The following DNAH1 variants were observed in gnomAD, a reference collection of about 807,000 sequenced individuals.
DNAH1 encodes dynein axonemal heavy chain 1.
A neutral mutation model predicts 484.3 loss-of-function variants in DNAH1; 327 were observed. The observed-to-expected ratio is 0.68, with a 90% confidence interval of 0.62 to 0.74. The LOEUF (loss-of-function observed/expected upper bound fraction) is 0.74. Ranked by LOEUF, DNAH1 falls within the 30% of genes least tolerant of loss-of-function variation. DNAH1 has a pLI of 0.00. For synonymous variants in DNAH1, 2,192 were observed against 2,191.9 expected (o/e 1.00, Z 0.00); for missense variants, 5,052 against 5,546.8 (o/e 0.91, Z 2.83).
rs1324800614 is a variant in DNAH1, at chr3:52,400,387, C to A, written c.12739C>A (p.Gln4247Lys). 2.5e-6 allele frequency: 4 copies of A among 1,613,938 alleles called. No homozygotes were observed. The highest frequency in any genetic ancestry group is 3.4e-6 in the Non-Finnish European group (4 of 1,179,902). ...YVIAVEIPTH[Q>K]PQRHWIKRGV... Reference sequence around the variant, plus strand: ...CATTGCTGTGGAGATCCCCACCCATCAGCCCCAGCGACACTGGATAAAGCG... The same window carrying A: ...CATTGCTGTGGAGATCCCCACCCATAAGCCCCAGCGACACTGGATAAAGCG... Residue 4247 changes from glutamine to lysine, a missense_variant, in exon 78 of 78, where the codon CAG (glutamine) becomes AAG (lysine). Transcript: ENST00000420323.
In DNAH1 at chr3:52,358,507, G is replaced by A. The variant is rs1559525544; in HGVS notation, c.4087-51G>A. On this transcript the variant is annotated intron_variant, in intron 24 of 77. Coordinates refer to ENST00000420323, the MANE Select transcript of DNAH1 (RefSeq NM_015512.5). The surrounding 1 kb of genome is among the most constrained non-coding windows in gnomAD (Gnocchi z 4.2). ...TAGCGCTGGGGCTGTGGTGGCCAGG[G>A]CATCTGGGCACACCAGGGTGACCCC... The A allele has an allele frequency of 6.5e-7, 1 of 1,539,672 alleles. No homozygotes were observed. Among genetic ancestry groups the A allele is most frequent in the Non-Finnish European group, 8.8e-7 (1 of 1,141,642 alleles).
chr3:52,315,422 G>T (rs112373487), upstream of DNAH1, among the ~76,000 whole-genome samples: 3 of 152,360 alleles, frequency 2.0e-5, no homozygotes, highest in African/African-American at 7.2e-5. Flanking sequence ...ATCTCAGCCA[G>T]CAAGGAGACA....
At chr3:52,357,395 G>A (rs1193806910) in intron 22 of DNAH1, among the ~76,000 whole-genome samples, 1 of 152,192 alleles carries the variant, frequency 6.6e-6, no homozygotes, top group African/African-American at 2.4e-5. Flanking sequence ...CTGCAGCAAA[G>A]CAAACTCTTT....
At chr3:52,384,225 A>G (rs564830812) in intron 52 of DNAH1, among the ~76,000 whole-genome samples, 194 bp downstream of exon 52, 3 of 152,360 alleles carry the variant, frequency 2.0e-5, no homozygotes, top group African/African-American at 7.2e-5. Flanking sequence ...CACAGTGACT[A>G]GGGTGCTGCG....
In DNAH1 at chr3:52,375,290, C is replaced by G; in HGVS notation, c.7036C>G (p.Pro2346Ala). 1 of 1,611,946 alleles carries G rather than the reference C, an allele frequency of 6.2e-7. No individual in the cohort carries two copies. Among genetic ancestry groups the G allele is most frequent in the Non-Finnish European group, 8.5e-7 (1 of 1,179,104 alleles). The change falls in exon 45 of 78, where the codon CCG (proline) becomes GCG (alanine). Residue 2346 changes from proline (P) to alanine (A), a missense_variant. Around this residue, in one of 4 missense-constraint regions of DNAH1, gnomAD observed 2,929 missense variants for 3,409.4 expected, o/e 0.86. Coordinates refer to ENST00000420323, the MANE Select transcript of DNAH1 (RefSeq NM_015512.5). ...DINFVCAMGP[P>A]GGGRNTVTPR... Reference sequence around the variant, plus strand: ...CAACTTTGTCTGTGCCATGGGCCCCCCGGGTGGAGGCAGGAACACCGTCAC... The same window carrying G: ...CAACTTTGTCTGTGCCATGGGCCCCGCGGGTGGAGGCAGGAACACCGTCAC...
chr3:52,343,696 T>C (rs1454167670), intron 8 of DNAH1, among the ~76,000 whole-genome samples: 1 of 152,010 alleles, frequency 6.6e-6, no homozygotes, highest in Non-Finnish European at 1.5e-5. Context: ...AAAGGGACTA[T>C]TCAGATGTGG....
At chr3:52,367,419 G>A (rs1293481884) in intron 36 of DNAH1, among the ~76,000 whole-genome samples, 1 of 152,104 alleles carries the variant, frequency 6.6e-6, no homozygotes, top group African/African-American at 2.4e-5. Flanking sequence ...GGGAGGGACA[G>A]TCGCCCACCT....
In DNAH1 at chr3:52,358,408, C is replaced by A; in HGVS notation, c.4087-150C>A. On this transcript the variant is annotated intron_variant, in intron 24 of 77. Transcript: ENST00000420323. The surrounding 1 kb of genome is among the most constrained non-coding windows in gnomAD (Gnocchi z 4.2). Reference sequence around the variant, plus strand: ...AGGCAGGCCATCCAGCCTGGGAAGGCCCAGCCAAGATAGACTCTCGGGGGG... The same window carrying A: ...AGGCAGGCCATCCAGCCTGGGAAGGACCAGCCAAGATAGACTCTCGGGGGG... The A allele has an allele frequency of 1.1e-6, 1 of 902,876 alleles. No homozygotes were observed. The highest frequency in any genetic ancestry group is 1.6e-6 in the Non-Finnish European group (1 of 616,540). The allele number at this position is 902,876 out of a possible 1,614,324, so 55.9% of individuals were successfully genotyped here.
chr3:52,388,100 C>G lies in DNAH1; in HGVS notation c.9004-67C>G, dbSNP rs909283747. 7.7e-6 allele frequency: 12 copies of G among 1,550,684 alleles called. No individual in the cohort carries two copies. In the Admixed American group the frequency reaches 2.3e-4, roughly 30 times the overall value. ...GGGTGTCCCTCAGCAGGCCCCACAT[C>G]CCAGCAGAGCCCTTCCCCTGTCACC... On this transcript the variant is annotated intron_variant, in intron 56 of 77. Coordinates refer to ENST00000420323, the MANE Select transcript of DNAH1 (RefSeq NM_015512.5).
intron 76 of DNAH1, 82 bp downstream of exon 76, chr3:52,399,283 G>A: frequency 7.2e-7 from 1 of 1,382,678 alleles, no homozygotes; most frequent in South Asian, 1.4e-5. Context: ...ACGGTTGGTT[G>A]GCAGTTGGGG....
upstream of DNAH1, among the ~76,000 whole-genome samples, chr3:52,314,467 A>G (rs887139512): frequency 4.6e-5 from 7 of 152,190 alleles, no homozygotes; most frequent in African/African-American, 7.2e-5. Context: ...GTCATGTGCA[A>G]CTGGGCTGGT....
chr3:52,371,874 G>A, intron 41 of DNAH1, 72 bp from the exon 42 acceptor site: 1 of 1,577,160 alleles, frequency 6.3e-7, no homozygotes, highest in Non-Finnish European at 8.6e-7. Flanking sequence ...TCTGCACTTG[G>A]CCATGGGGCC....
At chr3:52,350,441 G>A (rs1278401463) in intron 15 of DNAH1, 67 bp from the exon 16 acceptor site, 12 of 1,467,446 alleles carry the variant, frequency 8.2e-6, no homozygotes, top group Non-Finnish European at 1.1e-5. Context: ...TCTCTGGGGA[G>A]CCAGGTTCCG....
chr3:52,394,456 C>T lies in DNAH1; in HGVS notation c.10627-9C>T, dbSNP rs372214843. Reference sequence around the variant, plus strand: ...GCCTGGGCATCAGCCTCCTCCTGTCCCCTGCCAGAGTGAGTGGCGATACCT... The same window carrying T: ...GCCTGGGCATCAGCCTCCTCCTGTCTCCTGCCAGAGTGAGTGGCGATACCT... On this transcript the variant is annotated splice_polypyrimidine_tract_variant and intron_variant, in intron 66 of 77. Transcript: ENST00000420323. 26 of 1,613,644 alleles carry T rather than the reference C, an allele frequency of 1.6e-5. No homozygotes were observed. The African/African-American group carries it at 2.4e-4, about 15-fold the overall frequency.
intron 55 of DNAH1, 146 bp from the exon 56 acceptor site, chr3:52,386,516 T>C (rs1704117219): frequency 7.8e-7 from 1 of 1,289,434 alleles, no homozygotes; most frequent in African/African-American, 1.5e-5. Flanking sequence ...AACTGTGGGC[T>C]GAGGCCAACC....
chr3:52,362,280 C>T lies in DNAH1; in HGVS notation c.4981-108C>T. 1 of 892,982 alleles carries T rather than the reference C, an allele frequency of 1.1e-6. No individual in the cohort carries two copies. The highest frequency in any genetic ancestry group is 1.8e-6 in the Non-Finnish European group (1 of 563,310). The allele number at this position is 892,982 out of a possible 1,614,324, so 55.3% of individuals were successfully genotyped here. On this transcript the variant is annotated intron_variant, in intron 30 of 77. Transcript: ENST00000420323. This position sits in a 1 kb window ranked among gnomAD's most constrained non-coding sequence, Gnocchi z 5.1. ...GATCAGGGGTCCAGGCCTGGCCTAC[C>T]AGCTACAGCCAGGACAGGGGCATCA...
chr3:52,341,145 G>A (rs918103378), intron 8 of DNAH1, among the ~76,000 whole-genome samples: 5 of 152,196 alleles, frequency 3.3e-5, no homozygotes, highest in African/African-American at 1.2e-4. Flanking sequence ...TTAGACAGCA[G>A]GGAAGTGCAT....
chr3:52,354,946 A>G lies in DNAH1; in HGVS notation c.3584A>G (p.Gln1195Arg). 1 of 1,614,028 alleles carries G rather than the reference A, an allele frequency of 6.2e-7. No individual in the cohort carries two copies. Among genetic ancestry groups the G allele is most frequent in the South Asian group, 1.1e-5 (1 of 91,080 alleles). ...YILKSPDEAS[Q>R]LLDDHIVMTQ... ...CTGAAGAGCCCGGACGAGGCCTCAC[A>G]GCTGCTGGACGACCACATCGTCATG... Residue 1195 changes from glutamine (Q) to arginine (R), a missense_variant, in exon 21 of 78, where the codon CAG (glutamine) becomes CGG (arginine). By Grantham distance (43) the Gln-to-Arg change is conservative. Transcript: ENST00000420323.
intron 39 of DNAH1, 63 bp from the exon 40 acceptor site, chr3:52,370,414 C>T (rs1373217789): frequency 1.2e-6 from 2 of 1,606,468 alleles, no homozygotes; most frequent in African/African-American, 1.3e-5. Flanking sequence ...GCCCCTGCCC[C>T]ACTTCCTCAG....
Sources: allele counts gnomAD v4.1 joint callset (sites outside exome capture counted in the v4.1 genomes callset), GRCh38; gene constraint gnomAD v4.1.1; regional missense constraint gnomAD v4.1.1; non-coding constraint Gnocchi (gnomAD v3.1); transcripts MANE v1.5; gene names NCBI Gene and HGNC (gene_info 2026-07-23, HGNC 2026-07-21).